The following EPN1 variants were observed in gnomAD, a reference collection of about 807,000 sequenced individuals.
The protein encoded by EPN1 is epsin-1.
In EPN1, 25 loss-of-function variants were observed where a neutral mutation model predicts 56.9. The ratio of observed to expected loss-of-function variants is 0.44; its 90% confidence interval spans 0.32 to 0.61. The LOEUF (loss-of-function observed/expected upper bound fraction) is 0.61, where lower values mean the gene tolerates loss of function less well. Among genes scored for constraint, EPN1 ranks in the 20% least tolerant of loss-of-function variants. The pLI is 0.05. For missense variants in EPN1, 785 were observed against 823.7 expected, an observed-to-expected ratio of 0.95 and a Z score of 0.58; for synonymous variants, 411 against 361.8, an observed-to-expected ratio of 1.14 and a Z score of -1.54.
intron 2 of EPN1, among the ~76,000 whole-genome samples, chr19:55,679,291 A>C (rs1438279784): frequency 1.3e-5 from 2 of 152,218 alleles, no homozygotes; most frequent in Admixed American, 1.3e-4. Context: ...CTGGGTTTTC[A>C]GTTTGCTGCT....
chr19:55,701,816 T>C lies in EPN1; in HGVS notation c.*6460T>C, dbSNP rs1388216443. The C allele has an allele frequency of 1.3e-5, 2 of 152,078 alleles. No individual in the cohort carries two copies. The highest frequency in any genetic ancestry group is 4.8e-5 in the African/African-American group (2 of 41,390). The allele number at this position is 152,078 out of a possible 1,614,324, so 9.4% of individuals were successfully genotyped here. A position where few individuals can be genotyped will look rare whatever the true frequency, so the allele number is the denominator to read the frequency against. On this transcript the variant is annotated 3_prime_UTR_variant, in exon 11 of 11. Coordinates refer to ENST00000270460, the MANE Select transcript of EPN1 (RefSeq NM_001130072.2). ...TCACAGAGACGGGTCCCGAACGGGT[T>C]GTGAAGTTGTAGAAGAAATGTCAGG... is the stretch of plus-strand genomic sequence containing the variant.
rs559505263 is a variant in EPN1, at chr19:55,694,938, C to T, written c.1477C>T (p.Pro493Ser). The T allele has an allele frequency of 2.6e-6, 4 of 1,561,838 alleles. No individual in the cohort carries two copies. The African/African-American group carries it at 4.1e-5, about 16-fold the overall frequency. The change falls in exon 10 of 11, where the codon CCC becomes TCC. Residue 493 changes from proline (P) to serine (S), a missense_variant. This residue lies in a region of EPN1 where 650 missense variants were observed against 605.0 expected (regional missense o/e 1.07). Coordinates refer to ENST00000270460, the MANE Select transcript of EPN1 (RefSeq NM_001130072.2). The surrounding 1 kb of genome is among the most constrained non-coding windows in gnomAD (Gnocchi z 4.2). Reference protein sequence around the residue: ...DLDSLVSRPGPTPPGAKASNP... With the variant: ...DLDSLVSRPGSTPPGAKASNP... ...GGACTCGCTGGTGAGCCGGCCGGGC[C>T]CCACGCCGCCTGGAGCCAAGGCCTC...
chr19:55,688,866 C>G lies in EPN1; in HGVS notation c.479-4C>G. On this transcript the variant is annotated splice_polypyrimidine_tract_variant and splice_region_variant and intron_variant, in intron 3 of 10. Transcript: ENST00000270460. Reference sequence around the variant, plus strand: ...GTCTCACGCGTTTCTCACCCGCCCTCCAGCCTCATCAGCAGCTGTGGGCTC... The same window carrying G: ...GTCTCACGCGTTTCTCACCCGCCCTGCAGCCTCATCAGCAGCTGTGGGCTC... 1 of 1,575,494 alleles carries G rather than the reference C, an allele frequency of 6.3e-7. No individual in the cohort carries two copies. The highest frequency in any genetic ancestry group is 1.2e-5 in the South Asian group (1 of 86,064).
chr19:55,679,764 C>T (rs911230072), intron 2 of EPN1, among the ~76,000 whole-genome samples: 5 of 152,130 alleles, frequency 3.3e-5, no homozygotes, highest in African/African-American at 7.2e-5. Flanking sequence ...TCCTGTGACT[C>T]GTTTTCATAC....
chr19:55,694,865 G>A lies in EPN1; in HGVS notation c.1404G>A (p.Arg468=), dbSNP rs557682992. ...AATPTPTPPT[R]KTPESFLGPN... is the part of the protein sequence containing the mutation. ...CACCAACTCCCACGCCCCCCACCCG[G>A]AAGACGCCGGAGTCATTCCTGGGGC... Residue 468 remains arginine, a synonymous_variant, in exon 10 of 11, where the codon CGG becomes CGA. Coordinates refer to ENST00000270460, the MANE Select transcript of EPN1 (RefSeq NM_001130072.2). This position sits in a 1 kb window ranked among gnomAD's most constrained non-coding sequence, Gnocchi z 4.2. The A allele has an allele frequency of 2.0e-5, 32 of 1,605,944 alleles. No homozygotes were observed. In the East Asian group the frequency reaches 6.3e-4, roughly 32 times the overall value.
Position 55,694,611 on chromosome 19 carries a change from G to T in EPN1, c.1265-115G>T, listed in dbSNP as rs950308547. 1.5e-6 allele frequency: 2 copies of T among 1,303,694 alleles called. No individual in the cohort carries two copies. The highest frequency in any genetic ancestry group is 5.1e-5 in the East Asian group (2 of 38,988). 80.8% of individuals were successfully genotyped at this position (1,303,694 alleles called of 1,614,324 possible). A position where few individuals can be genotyped will look rare whatever the true frequency, so the allele number is the denominator to read the frequency against. Reference sequence around the variant, plus strand: ...CTCTGCACCTCAGTTCCTCCTTCCCGAGGCCTCTGGGCACCGGGCTCTTTG... The same window carrying T: ...CTCTGCACCTCAGTTCCTCCTTCCCTAGGCCTCTGGGCACCGGGCTCTTTG... On this transcript the variant is annotated intron_variant, in intron 9 of 10. Coordinates refer to ENST00000270460, the MANE Select transcript of EPN1 (RefSeq NM_001130072.2). The surrounding 1 kb of genome is among the most constrained non-coding windows in gnomAD (Gnocchi z 4.2).
At position 55,689,288 on chromosome 19, in the gene EPN1, CTCCCCCAGCCCCCG is replaced by C; in HGVS notation, c.604-5_612del. ...TCCCGTCATGCCCCTCACACTCTCT[CTCCCCCAGCCCCCG>C]TCCTGCGGCCCCGAGGACGACGCCC... On this transcript the variant is annotated splice_acceptor_variant and splice_polypyrimidine_tract_variant and coding_sequence_variant and intron_variant, in exon 5 of 11. Coordinates refer to ENST00000270460, the MANE Select transcript of EPN1 (RefSeq NM_001130072.2). LOFTEE classifies it high-confidence loss of function. This position sits in a 1 kb window ranked among gnomAD's most constrained non-coding sequence, Gnocchi z 5.7. 1 of 1,546,232 alleles carries C rather than the reference CTCCCCCAGCCCCCG, an allele frequency of 6.5e-7. No individual in the cohort carries two copies. The highest frequency in any genetic ancestry group is 8.8e-7 in the Non-Finnish European group (1 of 1,142,550).
chr19:55,705,123 G>A lies in EPN1; in HGVS notation c.*9767G>A, dbSNP rs1043991536. The A allele has an allele frequency of 2.6e-5, 4 of 152,214 alleles. No homozygotes were observed. The highest frequency in any genetic ancestry group is 4.4e-5 in the Non-Finnish European group (3 of 68,056). 9.4% of individuals were successfully genotyped at this position (152,214 alleles called of 1,614,324 possible). A position where few individuals can be genotyped will look rare whatever the true frequency, so the allele number is the denominator to read the frequency against. On this transcript the variant is annotated 3_prime_UTR_variant, in exon 11 of 11. Coordinates refer to ENST00000270460, the MANE Select transcript of EPN1 (RefSeq NM_001130072.2). The stretch of plus-strand genomic sequence containing the variant: ...GAGGTTGGAAGCCTCACTGGCCTGA[G>A]GTTTCTGAGTAAGCTCTGACCCAAT...
intron 2 of EPN1, among the ~76,000 whole-genome samples, chr19:55,679,171 G>A (rs1038207513): frequency 2.0e-5 from 3 of 152,298 alleles, no homozygotes; most frequent in Middle Eastern, 6.8e-3. Flanking sequence ...CCAAGTTTCC[G>A]CTCTGGGCCC....
Position 55,694,605 on chromosome 19 carries a change from C to A in EPN1, c.1265-121C>A. 3 of 1,258,778 alleles carry A rather than the reference C, an allele frequency of 2.4e-6. No homozygotes were observed. Among genetic ancestry groups the A allele is most frequent in the Non-Finnish European group, 3.2e-6 (3 of 949,946 alleles). 78.0% of individuals were successfully genotyped at this position (1,258,778 alleles called of 1,614,324 possible). A position where few individuals can be genotyped will look rare whatever the true frequency, so the allele number is the denominator to read the frequency against. ...CTTCCGCTCTGCACCTCAGTTCCTC[C>A]TTCCCGAGGCCTCTGGGCACCGGGC... On this transcript the variant is annotated intron_variant, in intron 9 of 10. Coordinates refer to ENST00000270460, the MANE Select transcript of EPN1 (RefSeq NM_001130072.2). The surrounding 1 kb of genome is among the most constrained non-coding windows in gnomAD (Gnocchi z 4.2).
Position 55,689,426 on chromosome 19 carries a change from C to G in EPN1, c.678+55C>G. 7.2e-7 allele frequency: 1 copy of G among 1,387,600 alleles called. No individual in the cohort carries two copies. Among genetic ancestry groups the G allele is most frequent in the South Asian group, 1.2e-5 (1 of 80,964 alleles). The allele number at this position is 1,387,600 out of a possible 1,614,324, so 86.0% of individuals were successfully genotyped here. On this transcript the variant is annotated intron_variant, in intron 5 of 10. Coordinates refer to ENST00000270460, the MANE Select transcript of EPN1 (RefSeq NM_001130072.2). This position sits in a 1 kb window ranked among gnomAD's most constrained non-coding sequence, Gnocchi z 5.7. ...GCCAGGGGCTCCCCTCAGACCAGCCCCGTCGCCCCTTCCTAAGTCACCCCC... is the reference window on the plus strand; with the variant it reads ...GCCAGGGGCTCCCCTCAGACCAGCCGCGTCGCCCCTTCCTAAGTCACCCCC...
intron 9 of EPN1, chr19:55,693,322 G>A: frequency 2.5e-6 from 1 of 407,450 alleles, no homozygotes; most frequent in Non-Finnish European, 4.5e-6. Context: ...CGTTGCTTGA[G>A]TGCCTTGCAA....
At chr19:55,684,288 G>T (rs1410777648) in intron 2 of EPN1, among the ~76,000 whole-genome samples, 1 of 152,072 alleles carries the variant, frequency 6.6e-6, no homozygotes, top group African/African-American at 2.4e-5. Flanking sequence ...TAGGAGCCCT[G>T]GGTGGGTTTC....
At chr19:55,677,478 C>G in intron 1 of EPN1, 2 of 831,956 alleles carry the variant, frequency 2.4e-6, no homozygotes, top group Non-Finnish European at 3.8e-6. Flanking sequence ...TTTTGGAGTT[C>G]AGGTGGGCCT....
At position 55,708,046 on chromosome 19, in the gene EPN1, A is replaced by G. The variant is rs1488091013; in HGVS notation, c.*12690A>G. On this transcript the variant is annotated 3_prime_UTR_variant, in exon 11 of 11. Coordinates refer to ENST00000270460, the MANE Select transcript of EPN1 (RefSeq NM_001130072.2). Reference sequence around the variant, plus strand: ...AACATATGGAAAACCTGGAAGTAAAATTAAGCAAGTAAGTGCGAGCACTCT... The same window carrying G: ...AACATATGGAAAACCTGGAAGTAAAGTTAAGCAAGTAAGTGCGAGCACTCT... The G allele has an allele frequency of 6.6e-6, 1 of 152,396 alleles. No individual in the cohort carries two copies. The highest frequency in any genetic ancestry group is 1.5e-5 in the Non-Finnish European group (1 of 68,158). 9.4% of individuals were successfully genotyped at this position (152,396 alleles called of 1,614,324 possible). A position where few individuals can be genotyped will look rare whatever the true frequency, so the allele number is the denominator to read the frequency against.
rs763018995 is a variant in EPN1, at chr19:55,709,073, T to G, written c.*13717T>G. On this transcript the variant is annotated 3_prime_UTR_variant, in exon 11 of 11. Transcript: ENST00000270460. The stretch of plus-strand genomic sequence containing the variant: ...GGAAAATAGAAATAAAGTTTTTTTT[T>G]TTGTTTTTCATTTTTACACAGTATT... 3.9e-6 allele frequency: 6 copies of G among 1,547,540 alleles called. No homozygotes were observed. In the East Asian group the frequency reaches 9.5e-5, roughly 24 times the overall value.
At chr19:55,677,453 A>G in intron 1 of EPN1, 1 of 730,702 alleles carries the variant, frequency 1.4e-6, no homozygotes, top group Non-Finnish European at 2.3e-6. Flanking sequence ...ATTTAGGTTA[A>G]TTTAAAAGTA....
chr19:55,692,054 G>A lies in EPN1; in HGVS notation c.1063G>A (p.Asp355Asn), dbSNP rs375632073. ...CACGCCTGATCCATGGGGAAGTTCC[G>A]ATGGTGAGTGCGTGGCCCACTTGCA... is the stretch of plus-strand genomic sequence containing the variant. ...GPTPDPWGSS[D>N]GGVPVSGPSA... The change falls in exon 7 of 11, where the codon GAT becomes AAT. Residue 355 changes from aspartate to asparagine, a missense_variant. Around this residue, in one of 2 missense-constraint regions of EPN1, gnomAD observed 650 missense variants for 605.0 expected, o/e 1.07. Coordinates refer to ENST00000270460, the MANE Select transcript of EPN1 (RefSeq NM_001130072.2). 11 of 1,441,360 alleles carry A rather than the reference G, an allele frequency of 7.6e-6. No homozygotes were observed. Among genetic ancestry groups the A allele is most frequent in the African/African-American group, 2.9e-5 (2 of 69,492 alleles). The allele number at this position is 1,441,360 out of a possible 1,614,324, so 89.3% of individuals were successfully genotyped here.
Position 55,702,992 on chromosome 19 carries a change from G to C in EPN1, c.*7636G>C, listed in dbSNP as rs1364799618. 1.3e-5 allele frequency: 2 copies of C among 152,070 alleles called. No individual in the cohort carries two copies. The highest frequency in any genetic ancestry group is 6.6e-5 in the Admixed American group (1 of 15,256). The allele number at this position is 152,070 out of a possible 1,614,324, so 9.4% of individuals were successfully genotyped here. ...TTTTTTGTATTGTTAGTAGAGACGG[G>C]GTTTCACCGTGTTAGCCAGGATGGT... On this transcript the variant is annotated 3_prime_UTR_variant, in exon 11 of 11. Transcript: ENST00000270460.
Sources: allele counts gnomAD v4.1 joint callset (sites outside exome capture counted in the v4.1 genomes callset), GRCh38; gene constraint gnomAD v4.1.1; regional missense constraint gnomAD v4.1.1; non-coding constraint Gnocchi (gnomAD v3.1); transcripts MANE v1.5; gene names NCBI Gene and HGNC (gene_info 2026-07-23, HGNC 2026-07-21).